The following INS variants were observed in gnomAD, a reference collection of about 807,000 sequenced individuals.
INS encodes preproinsulin.
A neutral mutation model predicts 10.5 loss-of-function variants in INS; 6 were observed. The ratio of observed to expected loss-of-function variants is 0.57; its 90% CI spans 0.31 to 1.13. The LOEUF is 1.13. Ranked by LOEUF, INS falls within the 50% of genes most tolerant of loss-of-function variation. The pLI is 0.05. For missense variants in INS, 109 were observed against 138.6 expected (o/e 0.79, Z 1.07); for synonymous variants, 71 against 62.7 (o/e 1.13, Z -0.63).
rs1357121869 is a variant in INS, at chr11:2,160,912, G to A, written c.60C>T (p.Asp20=). The A allele has an allele frequency of 6.2e-7, 1 of 1,612,530 alleles. No individual in the cohort carries two copies. Among genetic ancestry groups the A allele is most frequent in the South Asian group, 1.1e-5 (1 of 91,092 alleles). The change falls in exon 2 of 3, where the codon GAC becomes GAT. Residue 20 remains aspartate, a synonymous_variant. Transcript: ENST00000381330. ...GTTGGTTCACAAAGGCTGCGGCTGG[G>A]TCAGGTCCCCAGAGGGCCAGCAGCG... The part of the protein sequence containing the change: ...LLALLALWGP[D]PAAAFVNQHL...
At chr11:2,161,073 GC>G in intron 1 of INS, 85 bp from the exon 2 acceptor site, 1 of 1,466,964 alleles carries the variant, frequency 6.8e-7, no homozygotes, top group Non-Finnish European at 9.1e-7. Context: ...TGCTTCACGA[GC>G]CCAGCCACGT....
At chr11:2,160,037 G>C in intron 2 of INS, 40 bp from the exon 3 acceptor site, 2 of 1,550,630 alleles carry the variant, frequency 1.3e-6, no homozygotes, top group Non-Finnish European at 1.7e-6. Flanking sequence ...CCGGAACAGC[G>C]GCGAGGCAGA....
Position 2,159,894 on chromosome 11 carries a change from G to A in INS, c.291C>T (p.Thr97=). Residue 97 remains threonine, a synonymous_variant, in exon 3 of 3, where the codon ACC becomes ACT. Transcript: ENST00000381330. ...QKRGIVEQCC[T]SICSLYQLEN... ...CCAGCTGGTAGAGGGAGCAGATGCT[G>A]GTACAGCATTGTTCCACAATGCCAC... 1 of 1,609,312 alleles carries A rather than the reference G, an allele frequency of 6.2e-7. No individual in the cohort carries two copies.
chr11:2,161,036 C>G (rs1845884259), intron 1 of INS, 48 bp from the exon 2 acceptor site: 1 of 1,577,426 alleles, frequency 6.3e-7, no homozygotes, highest in Admixed American at 1.8e-5. Context: ...GGTGCCCTGC[C>G]TTGGGGCCCC....
chr11:2,160,908 C>T lies in INS; in HGVS notation c.64G>A (p.Ala22Thr). Residue 22 changes from alanine (A) to threonine (T), a missense_variant, in exon 2 of 3, where the codon GCC becomes ACC. Ala to Thr is a moderately conservative substitution (Grantham distance 58). Transcript: ENST00000381330. ...AGGTGTTGGTTCACAAAGGCTGCGGCTGGGTCAGGTCCCCAGAGGGCCAGC... is the reference window on the plus strand; with the variant it reads ...AGGTGTTGGTTCACAAAGGCTGCGGTTGGGTCAGGTCCCCAGAGGGCCAGC... ...ALLALWGPDP[A>T]AAFVNQHLCG... 5.0e-6 allele frequency: 8 copies of T among 1,612,652 alleles called. No individual in the cohort carries two copies. Among genetic ancestry groups the T allele is most frequent in the Non-Finnish European group, 6.8e-6 (8 of 1,179,854 alleles).
chr11:2,160,332 G>A lies in INS; in HGVS notation c.188-335C>T, dbSNP rs147949958. Among the ~76,000 whole-genome samples the A allele has an allele frequency of 1.9e-3, 283 of 152,326 alleles. 3 individuals are homozygous for A. The highest frequency in any genetic ancestry group is 6.5e-3 in the African/African-American group (270 of 41,580). ...CTATGGAGCTGCCGTGAGGCCTGGC[G>A]ACAGGGGTCTGGCCCACTCAGGCAG... On this transcript the variant is annotated intron_variant, in intron 2 of 2. Transcript: ENST00000381330.
Position 2,161,204 on chromosome 11 carries a change from AG to A in INS, c.-55del, listed in dbSNP as rs1564912683. 5.5e-5 allele frequency: 32 copies of A among 584,946 alleles called. No individual in the cohort carries two copies. The South Asian group carries it at 7.0e-4, about 13-fold the overall frequency. 36.2% of individuals were successfully genotyped at this position (584,946 alleles called of 1,614,324 possible). A position where few individuals can be genotyped will look rare whatever the true frequency, so the allele number is the denominator to read the frequency against. The stretch of plus-strand genomic sequence containing the variant: ...CCTCTTCTGATGCAGCCTGTCCTGG[AG>A]GGCTGAGGGCTGCTGGGCCCCCGCT... On this transcript the variant is annotated 5_prime_UTR_variant, in exon 1 of 3. Coordinates refer to ENST00000381330, the MANE Select transcript of INS (RefSeq NM_000207.3).
At chr11:2,161,092 G>C in intron 1 of INS, 76 bp downstream of exon 1, 1 of 1,391,710 alleles carries the variant, frequency 7.2e-7, no homozygotes, top group Non-Finnish European at 9.6e-7. Context: ...CGTCCTCCCT[G>C]CTGCAGAGCT....
intron 1 of INS, 70 bp downstream of exon 1, chr11:2,161,098 G>C (rs748161866): frequency 1.1e-4 from 152 of 1,362,042 alleles, no homozygotes; most frequent in Non-Finnish European, 1.4e-4. Context: ...CCCTGCTGCA[G>C]AGCTGGGGCC....
intron 1 of INS, 64 bp from the exon 2 acceptor site, chr11:2,161,052 T>G: frequency 6.5e-7 from 1 of 1,549,032 alleles, no homozygotes; most frequent in Non-Finnish European, 8.7e-7. Context: ...GCCCCTGGGC[T>G]CACCCCCACA....
In INS at chr11:2,161,168, C is replaced by T; in HGVS notation, c.-18G>A. The T allele has an allele frequency of 1.4e-6, 1 of 705,808 alleles. No homozygotes were observed. Among genetic ancestry groups the T allele is most frequent in the Non-Finnish European group, 2.3e-6 (1 of 437,102 alleles). 43.7% of individuals were successfully genotyped at this position (705,808 alleles called of 1,614,324 possible). On this transcript the variant is annotated splice_region_variant and 5_prime_UTR_variant, in exon 1 of 3. Transcript: ENST00000381330. ...TGACGCAAAGGCCCTTGGAACAGAC[C>T]TGCTTGATGGCCTCTTCTGATGCAG...
At chr11:2,161,073 G>A in intron 1 of INS, 85 bp from the exon 2 acceptor site, 1 of 1,466,966 alleles carries the variant, frequency 6.8e-7, no homozygotes, top group Non-Finnish European at 9.1e-7. Flanking sequence ...TGCTTCACGA[G>A]CCCAGCCACG....
intron 1 of INS, 45 bp downstream of exon 1, chr11:2,161,123 C>T (rs1845886751): frequency 8.8e-7 from 1 of 1,131,882 alleles, no homozygotes; most frequent in South Asian, 1.6e-5. Context: ...GTCCAGCCAC[C>T]CTGGAATCCT....
chr11:2,160,694 C>T, intron 2 of INS, 91 bp downstream of exon 2: 5 of 1,535,586 alleles, frequency 3.3e-6, no homozygotes, highest in Non-Finnish European at 4.5e-6. Context: ...GGGTGGCAGC[C>T]TCCTGCCCCC....
rs748317301 is a variant in INS at position 2,160,779 on chromosome 11, G to A, written c.187+6C>T. On this transcript the variant is annotated splice_donor_region_variant and intron_variant, in intron 2 of 2. Transcript: ENST00000381330. ...GGCCAGGGGCAGCAATGGGCAGTTGGCTCACCCTGCAGGTCCTCTGCCTCC... is the reference window on the plus strand; with the variant it reads ...GGCCAGGGGCAGCAATGGGCAGTTGACTCACCCTGCAGGTCCTCTGCCTCC... 2 of 1,611,330 alleles carry A rather than the reference G, an allele frequency of 1.2e-6. No individual in the cohort carries two copies. The highest frequency in any genetic ancestry group is 1.1e-5 in the South Asian group (1 of 91,068).
At chr11:2,160,170 T>A (rs971651299) in intron 2 of INS, among the ~76,000 whole-genome samples, 173 bp from the exon 3 acceptor site, 1 of 152,090 alleles carries the variant, frequency 6.6e-6, no homozygotes, top group African/African-American at 2.4e-5. Context: ...CCACACTGGG[T>A]GTGGACCTAC....
intron 2 of INS, among the ~76,000 whole-genome samples, chr11:2,160,411 G>A (rs1845860181): frequency 6.6e-6 from 1 of 152,222 alleles, no homozygotes; most frequent in Admixed American, 6.5e-5. Context: ...GGCAGGCAGC[G>A]TGGGGCACCC....
intron 1 of INS, 82 bp downstream of exon 1, chr11:2,161,086 C>T (rs1845885712): frequency 2.1e-6 from 3 of 1,421,070 alleles, no homozygotes; most frequent in Non-Finnish European, 2.8e-6. Context: ...CAGCCACGTC[C>T]TCCCTGCTGC....
At position 2,159,816 on chromosome 11, in the gene INS, G is replaced by C; in HGVS notation, c.*36C>G. 6.2e-7 allele frequency: 1 copy of C among 1,606,562 alleles called. No homozygotes were observed. The highest frequency in any genetic ancestry group is 2.2e-5 in the East Asian group (1 of 44,694). On this transcript the variant is annotated 3_prime_UTR_variant, in exon 3 of 3. Transcript: ENST00000381330. ...GCTTTATTCCATCTCTCTCGGTGCAGGAGGCGGCGGGTGTGGGGCTGCCTG... is the reference window on the plus strand; with the variant it reads ...GCTTTATTCCATCTCTCTCGGTGCACGAGGCGGCGGGTGTGGGGCTGCCTG...
Sources: gnomAD v4.1 joint callset for allele counts (sites outside exome capture counted in the v4.1 genomes callset) on GRCh38, gnomAD v4.1.1 for gene constraint, MANE v1.5 for transcripts, NCBI Gene and HGNC (gene_info 2026-07-23, HGNC 2026-07-21) for gene names.